The following RFX1 variants were observed in gnomAD, a reference collection of about 807,000 sequenced individuals.
RFX1 encodes MHC class II regulatory factor RFX1.
Under a neutral mutation model 119.6 loss-of-function variants are expected in RFX1, and 42 were observed. The ratio of observed to expected loss-of-function variants is 0.35; its 90% confidence interval spans 0.27 to 0.45. The LOEUF is 0.45. Among genes scored for constraint, RFX1 ranks in the 20% least tolerant of loss-of-function variants. The probability of loss-of-function intolerance (pLI) is 1.00; values close to 1 mark genes in which losing one functional copy is unlikely to be tolerated. For missense variants in RFX1, 1,118 were observed against 1,368.1 expected, an observed-to-expected ratio of 0.82 and a Z score of 2.88; for synonymous variants, 628 against 618.5, an observed-to-expected ratio of 1.02 and a Z score of -0.23.
At chr19:13,983,984 G>A (rs1050709853) in intron 2 of RFX1, among the ~76,000 whole-genome samples, 3 of 152,152 alleles carry the variant, frequency 2.0e-5, no homozygotes, top group Non-Finnish European at 2.9e-5. Flanking sequence ...TGGAAGGATC[G>A]AGGTGCTGGG....
At chr19:13,988,539 G>A (rs1974689231) in intron 2 of RFX1, among the ~76,000 whole-genome samples, 1 of 152,140 alleles carries the variant, frequency 6.6e-6, no homozygotes, top group Non-Finnish European at 1.5e-5. Flanking sequence ...GACATGCGAG[G>A]CCTCCTGCAA....
intron 1 of RFX1, among the ~76,000 whole-genome samples, chr19:14,002,802 C>T (rs1030475660): frequency 2.0e-5 from 3 of 152,180 alleles, no homozygotes; most frequent in African/African-American, 2.4e-5. Context: ...TCTCTGCGGG[C>T]GGGGCAGCCT....
Position 13,963,023 on chromosome 19 carries a change from G to A in RFX1, c.2741C>T (p.Thr914Ile). Reference sequence around the variant, plus strand: ...GTCGGGGTCCAGGGGGTTCAGGGAGGTGGCCAGATTGGCGAACTGGAGGAA... The same window carrying A: ...GTCGGGGTCCAGGGGGTTCAGGGAGATGGCCAGATTGGCGAACTGGAGGAA... ...AVMGEFANLA[T>I]SLNPLDPDKD... Residue 914 changes from threonine to isoleucine, a missense_variant, in exon 20 of 21, where the codon ACC becomes ATC. By Grantham distance (89) the Thr-to-Ile change is moderately conservative (BLOSUM62 -1). Around this residue, in one of 5 missense-constraint regions of RFX1, gnomAD observed 138 missense variants for 117.8 expected, o/e 1.17. Coordinates refer to ENST00000254325, the MANE Select transcript of RFX1 (RefSeq NM_002918.5). 1.3e-6 allele frequency: 2 copies of A among 1,556,522 alleles called. No homozygotes were observed. Among genetic ancestry groups the A allele is most frequent in the Non-Finnish European group, 1.7e-6 (2 of 1,149,732 alleles).
At chr19:13,992,470 C>T (rs1404450503) in intron 2 of RFX1, among the ~76,000 whole-genome samples, 4 of 152,196 alleles carry the variant, frequency 2.6e-5, no homozygotes. Flanking sequence ...AACACAGGTC[C>T]TGCGTGCCTT....
At chr19:13,963,314 C>T in intron 18 of RFX1, 39 bp from the exon 19 acceptor site, 1 of 1,573,054 alleles carries the variant, frequency 6.4e-7, no homozygotes, top group Non-Finnish European at 8.6e-7. Context: ...CAGGCCCCGT[C>T]CGGCCCGACC....
In RFX1 at chr19:13,983,582, C is replaced by G. The variant is rs750106310; in HGVS notation, c.333G>C (p.Arg111=). The change falls in exon 3 of 21, where the codon CGG becomes CGC. Residue 111 remains arginine, a synonymous_variant. Coordinates refer to ENST00000254325, the MANE Select transcript of RFX1 (RefSeq NM_002918.5). ...TGGCCTCCGACACTGTCTCGCTGGC[C>G]CGCATGGCACCTTCTGTGGGGAGGG... is the stretch of plus-strand genomic sequence containing the variant. The part of the protein sequence containing the change: ...IVVTVSEGAM[R]ASETVSEASP... The G allele has an allele frequency of 1.2e-6, 2 of 1,604,058 alleles. No individual in the cohort carries two copies. The highest frequency in any genetic ancestry group is 2.2e-5 in the South Asian group (2 of 89,776).
intron 9 of RFX1, 33 bp from the exon 10 acceptor site, chr19:13,970,208 C>A (rs1026553358): frequency 5.2e-6 from 8 of 1,548,812 alleles, no homozygotes; most frequent in South Asian, 1.2e-5. Context: ...GAGCACCAGT[C>A]AGAGGCGCTT....
In RFX1 at chr19:13,980,936, G is replaced by A. The variant is rs1240873763; in HGVS notation, c.622-247C>T. Among the ~76,000 whole-genome samples, 1 of 152,348 alleles carries A rather than the reference G, an allele frequency of 6.6e-6. No homozygotes were observed. Among genetic ancestry groups the A allele is most frequent in the African/African-American group, 2.4e-5 (1 of 41,588 alleles). On this transcript the variant is annotated intron_variant, in intron 5 of 20. Transcript: ENST00000254325. The surrounding 1 kb of genome is among the most constrained non-coding windows in gnomAD (Gnocchi z 5.1). Reference sequence around the variant, plus strand: ...CCCTCCCCAGCAAGGTTGGCTGATGGTGGGTGGTGCCGCCAGCACCCCTGA... The same window carrying A: ...CCCTCCCCAGCAAGGTTGGCTGATGATGGGTGGTGCCGCCAGCACCCCTGA...
At position 13,972,881 on chromosome 19, in the gene RFX1, C is replaced by CCCGCCGCCGCCGCCA; in HGVS notation, c.1161_1175dup (p.Gly395_Gly399dup). ...CACTGCCACCCCCGCCACCGCCTCC[C>CCCGCCGCCGCCGCCA]CCGCCGCCGCCGCCACCACCACTGC... On this transcript the variant is annotated inframe_insertion, in exon 9 of 21. Coordinates refer to ENST00000254325, the MANE Select transcript of RFX1 (RefSeq NM_002918.5). 6.4e-7 allele frequency: 1 copy of CCCGCCGCCGCCGCCA among 1,557,936 alleles called. No homozygotes were observed. The highest frequency in any genetic ancestry group is 8.6e-7 in the Non-Finnish European group (1 of 1,157,546).
In RFX1 at chr19:13,985,138, C is replaced by G. The variant is rs112309911; in HGVS notation, c.320-1543G>C. 6.6e-6 allele frequency among the ~76,000 whole-genome samples: 1 copy of G among 151,884 alleles called. No homozygotes were observed. The highest frequency in any genetic ancestry group is 1.5e-5 in the Non-Finnish European group (1 of 68,012). ...CCATCTCCCGAAGTGCCGGAATTAC[C>G]GGCGTGAGCCACTGTGCCTGGCTGA... On this transcript the variant is annotated intron_variant, in intron 2 of 20. Coordinates refer to ENST00000254325, the MANE Select transcript of RFX1 (RefSeq NM_002918.5). The surrounding 1 kb of genome is among the most constrained non-coding windows in gnomAD (Gnocchi z 4.3).
intron 1 of RFX1, among the ~76,000 whole-genome samples, chr19:14,002,103 T>C (rs1191813064): frequency 6.6e-6 from 1 of 151,094 alleles, no homozygotes; most frequent in African/African-American, 2.4e-5. Context: ...GCCATTGCAT[T>C]CCAGCCTGGG....
Position 13,965,393 on chromosome 19 carries a change from G to A in RFX1, c.2211+56C>T. Reference sequence around the variant, plus strand: ...AATTTTACCGCCCCTGGGGAGCAGAGGAGACGGAGGCCTAAGCCCCAGAGA... The same window carrying A: ...AATTTTACCGCCCCTGGGGAGCAGAAGAGACGGAGGCCTAAGCCCCAGAGA... On this transcript the variant is annotated intron_variant, in intron 16 of 20. Coordinates refer to ENST00000254325, the MANE Select transcript of RFX1 (RefSeq NM_002918.5). The surrounding 1 kb of genome is among the most constrained non-coding windows in gnomAD (Gnocchi z 4.7). 6.7e-7 allele frequency: 1 copy of A among 1,488,288 alleles called. No homozygotes were observed. The highest frequency in any genetic ancestry group is 9.3e-7 in the Non-Finnish European group (1 of 1,071,226). The allele number at this position is 1,488,288 out of a possible 1,614,324, so 92.2% of individuals were successfully genotyped here. A position where few individuals can be genotyped will look rare whatever the true frequency, so the allele number is the denominator to read the frequency against.
chr19:14,005,854 C>G (rs1179302331), intron 1 of RFX1, among the ~76,000 whole-genome samples: 2 of 151,694 alleles, frequency 1.3e-5, no homozygotes, highest in Non-Finnish European at 2.9e-5. Flanking sequence ...CCCCCCGCCC[C>G]GGCCTGCCGA....
chr19:13,964,062 C>G lies in RFX1; in HGVS notation c.2212-55G>C, dbSNP rs1973815902. 2.0e-6 allele frequency: 3 copies of G among 1,495,198 alleles called. No individual in the cohort carries two copies. In the South Asian group the frequency reaches 3.8e-5, roughly 19 times the overall value. The allele number at this position is 1,495,198 out of a possible 1,614,324, so 92.6% of individuals were successfully genotyped here. A position where few individuals can be genotyped will look rare whatever the true frequency, so the allele number is the denominator to read the frequency against. On this transcript the variant is annotated intron_variant, in intron 16 of 20. Coordinates refer to ENST00000254325, the MANE Select transcript of RFX1 (RefSeq NM_002918.5). ...TTCCAAGGAACCCCAGCCCGCCAGC[C>G]CTGGCCCCACCCCGCTGCAACCTCC...
chr19:13,980,780 G>T lies in RFX1; in HGVS notation c.622-91C>A. ...CACACACACCCTTCTCAGGAGAGCTGTCTGGGGAGGGCGGCAGTCTGTGGG... is the reference window on the plus strand; with the variant it reads ...CACACACACCCTTCTCAGGAGAGCTTTCTGGGGAGGGCGGCAGTCTGTGGG... On this transcript the variant is annotated intron_variant, in intron 5 of 20. Coordinates refer to ENST00000254325, the MANE Select transcript of RFX1 (RefSeq NM_002918.5). The surrounding 1 kb of genome is among the most constrained non-coding windows in gnomAD (Gnocchi z 5.1). 1 of 352,704 alleles carries T rather than the reference G, an allele frequency of 2.8e-6. No individual in the cohort carries two copies. Among genetic ancestry groups the T allele is most frequent in the Non-Finnish European group, 4.5e-6 (1 of 220,590 alleles). The allele number at this position is 352,704 out of a possible 1,614,324, so 21.8% of individuals were successfully genotyped here.
At chr19:13,997,453 A>AGT (rs1975075074) in intron 1 of RFX1, among the ~76,000 whole-genome samples, 1 of 152,238 alleles carries the variant, frequency 6.6e-6, no homozygotes, top group South Asian at 2.1e-4. Flanking sequence ...TCCTGTGGGC[A>AGT]GTGTGTGGCC....
chr19:13,995,851 CAA>C (rs57542235), intron 1 of RFX1, among the ~76,000 whole-genome samples: 74 of 35,620 alleles, frequency 2.1e-3, no homozygotes, highest in Admixed American at 8.7e-3. Flanking sequence ...ACTCTGTCTC[CAA>C]AAAAAAAAAA....
Position 13,980,461 on chromosome 19 carries a change from C to T in RFX1, c.738+112G>A. 1.6e-6 allele frequency: 1 copy of T among 642,572 alleles called. No homozygotes were observed. The highest frequency in any genetic ancestry group is 2.8e-5 in the East Asian group (1 of 35,546). The allele number at this position is 642,572 out of a possible 1,614,324, so 39.8% of individuals were successfully genotyped here. On this transcript the variant is annotated intron_variant, in intron 6 of 20. Coordinates refer to ENST00000254325, the MANE Select transcript of RFX1 (RefSeq NM_002918.5). The surrounding 1 kb of genome is among the most constrained non-coding windows in gnomAD (Gnocchi z 5.1). The stretch of plus-strand genomic sequence containing the variant: ...CAAAGGCCAGGGTGGCAGGCTGGGG[C>T]TGGACCCACATGGGCTGGGCTCTAA...
rs935801419 is a variant in RFX1, at chr19:13,983,233, C to G, written c.467G>C (p.Gly156Ala). 1.3e-6 allele frequency: 2 copies of G among 1,576,228 alleles called. No homozygotes were observed. Among genetic ancestry groups the G allele is most frequent in the Non-Finnish European group, 1.7e-6 (2 of 1,165,504 alleles). The change falls in exon 4 of 21, where the codon GGC becomes GCC. Residue 156 changes from glycine (G) to alanine (A), a missense_variant. Gly to Ala is a moderately conservative substitution (Grantham distance 60, BLOSUM62 0). Around this residue, in one of 5 missense-constraint regions of RFX1, gnomAD observed 542 missense variants for 602.7 expected, o/e 0.90. Coordinates refer to ENST00000254325, the MANE Select transcript of RFX1 (RefSeq NM_002918.5). ...GGTCAGCTGGAGGGGCGACACGTGGCCTGGCTTGGCCTGCACGCTCGTCTG... is the reference window on the plus strand; with the variant it reads ...GGTCAGCTGGAGGGGCGACACGTGGGCTGGCTTGGCCTGCACGCTCGTCTG... ...LVQTSVQAKPGHVSPLQLTNI... is the reference protein window; with the variant it reads ...LVQTSVQAKPAHVSPLQLTNI...
Sources: gnomAD v4.1 joint callset for allele counts (sites outside exome capture counted in the v4.1 genomes callset) on GRCh38, gnomAD v4.1.1 for gene constraint, gnomAD v4.1.1 regional missense constraint, Gnocchi (gnomAD v3.1) non-coding constraint, MANE v1.5 for transcripts, NCBI Gene and HGNC (gene_info 2026-07-23, HGNC 2026-07-21) for gene names.